The following LRRC4C variants were observed in gnomAD, a reference collection of about 807,000 sequenced individuals.
LRRC4C encodes the protein leucine-rich repeat-containing protein 4C.
Under a neutral mutation model 33.6 loss-of-function variants are expected in LRRC4C, and 5 were observed. The observed-to-expected ratio is 0.15, with a 90% CI of 0.08 to 0.31. LRRC4C has a LOEUF of 0.31. Ranked by LOEUF, LRRC4C falls within the 10% of genes least tolerant of loss-of-function variation. The pLI is 1.00. For missense variants in LRRC4C, 560 were observed against 796.7 expected (o/e 0.70, Z 3.58); for synonymous variants, 329 against 302.0 (o/e 1.09, Z -0.93).
chr11:40,837,393 C>T (rs544652304), intron 2 of LRRC4C, among the ~76,000 whole-genome samples: 6 of 152,208 alleles, frequency 3.9e-5, no homozygotes, highest in Admixed American at 6.5e-5. Flanking sequence ...GGATAAATCA[C>T]GCTGGAGCCC....
intron 2 of LRRC4C, among the ~76,000 whole-genome samples, chr11:40,670,744 A>C (rs1944047361): frequency 6.6e-6 from 1 of 151,968 alleles, no homozygotes. Context: ...AGTGAAGAAG[A>C]ACTTTTTGTT....
chr11:40,716,729 C>T (rs909731865), intron 2 of LRRC4C, among the ~76,000 whole-genome samples: 3 of 152,152 alleles, frequency 2.0e-5, no homozygotes, highest in Non-Finnish European at 2.9e-5. Context: ...CTCCTCTGCT[C>T]ACATCTTTCT....
At chr11:40,297,085 AG>A (rs1456907370) in intron 4 of LRRC4C, among the ~76,000 whole-genome samples, 2 of 152,218 alleles carry the variant, frequency 1.3e-5, no homozygotes, top group African/African-American at 4.8e-5. Context: ...AGCAAACAGC[AG>A]GGGACAGCAT....
At chr11:41,086,953 A>G (rs1329361940) in intron 1 of LRRC4C, among the ~76,000 whole-genome samples, 1 of 151,732 alleles carries the variant, frequency 6.6e-6, no homozygotes, top group African/African-American at 2.4e-5. Context: ...GTAGCATGCA[A>G]TTTTTAAGTC....
At chr11:40,410,494 G>C (rs1950119192) in intron 3 of LRRC4C, among the ~76,000 whole-genome samples, 1 of 151,796 alleles carries the variant, frequency 6.6e-6, no homozygotes, top group Non-Finnish European at 1.5e-5. Context: ...GTAGATGATA[G>C]GTCTTTTCAT....
chr11:40,198,995 C>T lies in LRRC4C; in HGVS notation c.-96+42524G>A, dbSNP rs549109223. Among the ~76,000 whole-genome samples, 4 of 152,284 alleles carry T rather than the reference C, an allele frequency of 2.6e-5. No individual in the cohort carries two copies. In the East Asian group the frequency reaches 7.7e-4, roughly 29 times the overall value. ...AAATACAAAGATTCCGAGGCAGGAGCACGCCTGACATGTTTAAAGAAGAGT... is the reference window on the plus strand; with the variant it reads ...AAATACAAAGATTCCGAGGCAGGAGTACGCCTGACATGTTTAAAGAAGAGT... On this transcript the variant is annotated intron_variant, in intron 5 of 6. Coordinates refer to ENST00000528697, the MANE Select transcript of LRRC4C (RefSeq NM_001258419.2).
intron 2 of LRRC4C, among the ~76,000 whole-genome samples, chr11:40,834,606 G>C (rs1299259527): frequency 3.9e-5 from 6 of 151,988 alleles, no homozygotes; most frequent in Non-Finnish European, 8.8e-5. Context: ...TTCATTCATA[G>C]GCATCCATGG....
chr11:41,433,868 G>C (rs1398931822), intron 1 of LRRC4C, among the ~76,000 whole-genome samples: 1 of 151,238 alleles, frequency 6.6e-6, no homozygotes, highest in Non-Finnish European at 1.5e-5. Flanking sequence ...TATTAATTCT[G>C]TCCCTCTAGA....
chr11:41,223,979 C>T (rs763158072), intron 1 of LRRC4C, among the ~76,000 whole-genome samples: 2 of 152,094 alleles, frequency 1.3e-5, no homozygotes, highest in Non-Finnish European at 2.9e-5. Context: ...GTGTGCTGCC[C>T]CAAAGTACAA....
chr11:41,178,393 A>C (rs1420535382), intron 1 of LRRC4C, among the ~76,000 whole-genome samples: 1 of 152,100 alleles, frequency 6.6e-6, no homozygotes, highest in Non-Finnish European at 1.5e-5. Context: ...TGGTTCTTTG[A>C]CACCCAGGAT....
intron 2 of LRRC4C, among the ~76,000 whole-genome samples, chr11:40,761,421 CT>C (rs1949203838): frequency 6.6e-6 from 1 of 152,086 alleles, no homozygotes; most frequent in Non-Finnish European, 1.5e-5. Context: ...AGTTTTTCAT[CT>C]TATATGTGAA....
chr11:40,344,845 C>G (rs1317355331), intron 3 of LRRC4C, among the ~76,000 whole-genome samples: 1 of 152,046 alleles, frequency 6.6e-6, no homozygotes, highest in East Asian at 1.9e-4. Context: ...CAGTAGTACT[C>G]CTGTACACGA....
chr11:40,497,861 C>T (rs897983149), intron 3 of LRRC4C, among the ~76,000 whole-genome samples: 6 of 152,142 alleles, frequency 3.9e-5, no homozygotes, highest in African/African-American at 1.2e-4. Flanking sequence ...AGGACAAAGA[C>T]CTCAGTTCTT....
At chr11:40,328,649 G>A (rs1483039104) in intron 3 of LRRC4C, among the ~76,000 whole-genome samples, 1 of 152,114 alleles carries the variant, frequency 6.6e-6, no homozygotes, top group Non-Finnish European at 1.5e-5. Flanking sequence ...TTTATGAGCA[G>A]GTTTAAAAAT....
intron 1 of LRRC4C, among the ~76,000 whole-genome samples, chr11:41,063,590 G>C (rs1255011018): frequency 6.6e-6 from 1 of 152,128 alleles, no homozygotes; most frequent in Admixed American, 6.6e-5. Context: ...TCAAATAGAG[G>C]GGGCAGCTAG....
chr11:40,213,665 A>G (rs2135851127), intron 5 of LRRC4C, among the ~76,000 whole-genome samples: 1 of 152,304 alleles, frequency 6.6e-6, no homozygotes, highest in African/African-American at 2.4e-5. Context: ...ATATATCTAC[A>G]TCTGGTAGAT....
intron 1 of LRRC4C, among the ~76,000 whole-genome samples, chr11:40,943,503 T>A (rs558722805): frequency 1.8e-4 from 28 of 152,200 alleles, no homozygotes; most frequent in Admixed American, 6.5e-5. Flanking sequence ...CTTGTATTAC[T>A]AGTATACTTT....
intron 1 of LRRC4C, among the ~76,000 whole-genome samples, chr11:40,944,590 T>G (rs1243080204): frequency 6.6e-6 from 1 of 152,180 alleles, no homozygotes; most frequent in African/African-American, 2.4e-5. Flanking sequence ...TTCAGTGACA[T>G]GGGTTCTTGA....
chr11:40,155,638 C>A (rs1162422713), intron 5 of LRRC4C, among the ~76,000 whole-genome samples: 1 of 151,986 alleles, frequency 6.6e-6, no homozygotes, highest in Non-Finnish European at 1.5e-5. Flanking sequence ...AAAGACAACC[C>A]TCCTAGCTTA....
Sources: gnomAD v4.1 joint callset for allele counts (sites outside exome capture counted in the v4.1 genomes callset) on GRCh38, gnomAD v4.1.1 for gene constraint, MANE v1.5 for transcripts, NCBI Gene and HGNC (gene_info 2026-07-23, HGNC 2026-07-21) for gene names.